Variants in RMDN1 observed in about 807,000 individuals in gnomAD.
RMDN1 encodes regulator of microtubule dynamics protein 1.
RMDN1 carries 48 observed loss-of-function variants against 48.9 expected under a neutral mutation model. The observed-to-expected ratio is 0.98, with a 90% CI of 0.78 to 1.25. RMDN1 has a LOEUF of 1.25. RMDN1 is among the 50% of genes most tolerant of loss of function. The pLI is 0.00. For synonymous variants in RMDN1, 148 were observed against 132.6 expected (o/e 1.12, Z -0.80); for missense variants, 418 against 373.4 (o/e 1.12, Z -0.98).
At chr8:86,505,347 G>C (rs540027865) in intron 2 of RMDN1, 1 of 459,088 alleles carries the variant, frequency 2.2e-6, no homozygotes, top group South Asian at 1.5e-5. Flanking sequence ...AACTTTGCCA[G>C]TTTTTCCTTC....
chr8:86,506,822 T>A (rs558161835), intron 2 of RMDN1, among the ~76,000 whole-genome samples, 173 bp downstream of exon 2: 1 of 152,194 alleles, frequency 6.6e-6, no homozygotes, highest in Non-Finnish European at 1.5e-5. Flanking sequence ...AAACAGTAGG[T>A]TGGCAGTTAG....
In RMDN1 at chr8:86,484,978, G is replaced by C. The variant is rs770791699; in HGVS notation, c.496-17C>G. On this transcript the variant is annotated splice_polypyrimidine_tract_variant and intron_variant, in intron 4 of 9. Coordinates refer to ENST00000406452, the MANE Select transcript of RMDN1 (RefSeq NM_016033.3). ...TGCATACCACTGAAAATTTAAAAAA[G>C]TGTAAGAACAATAATATTCTTAATA... 2.7e-5 allele frequency: 38 copies of C among 1,397,188 alleles called. 1 individual carries two copies. The highest frequency in any genetic ancestry group is 3.3e-5 in the Non-Finnish European group (33 of 997,322). The allele number at this position is 1,397,188 out of a possible 1,614,324, so 86.5% of individuals were successfully genotyped here.
Position 86,478,956 on chromosome 8 carries a change from C to A in RMDN1, c.696G>T (p.Leu232=), listed in dbSNP as rs778341673. The A allele has an allele frequency of 1.9e-6, 3 of 1,613,942 alleles. No homozygotes were observed. The highest frequency in any genetic ancestry group is 2.5e-6 in the Non-Finnish European group (3 of 1,179,868). The change falls in exon 7 of 10, where the codon CTG becomes CTT. Residue 232 remains leucine (L), a synonymous_variant. Coordinates refer to ENST00000406452, the MANE Select transcript of RMDN1 (RefSeq NM_016033.3). The part of the protein sequence containing the change: ...PWYQRRIAKM[L]FATPPSSTYE... ...AGGTGGAACTAGGAGGAGTTGCAAA[C>A]AGCATTTTAGCAATTCTTCTTTGAT...
rs907695851 is a variant in RMDN1, at chr8:86,478,829, C to G, written c.729+94G>C. On this transcript the variant is annotated intron_variant, in intron 7 of 9. Transcript: ENST00000406452. Reference sequence around the variant, plus strand: ...GGATCATTAGAAATTGCTCAAGTCCCTCACTGAATCAGAGCTCCACATGTG... The same window carrying G: ...GGATCATTAGAAATTGCTCAAGTCCGTCACTGAATCAGAGCTCCACATGTG... 3 of 956,222 alleles carry G rather than the reference C, an allele frequency of 3.1e-6. No individual in the cohort carries two copies. The African/African-American group carries it at 4.9e-5, about 16-fold the overall frequency. The allele number at this position is 956,222 out of a possible 1,614,324, so 59.2% of individuals were successfully genotyped here. A position where few individuals can be genotyped will look rare whatever the true frequency, so the allele number is the denominator to read the frequency against.
At position 86,473,757 on chromosome 8, in the gene RMDN1, C is replaced by T; in HGVS notation, c.*551G>A. ...CACCAGCCTGGGAAACAAAGTGAGA[C>T]TCTGTCTCAAAAAAATAAAAAAGGA... On this transcript the variant is annotated 3_prime_UTR_variant, in exon 10 of 10. Transcript: ENST00000406452. 1 of 922,056 alleles carries T rather than the reference C, an allele frequency of 1.1e-6. No individual in the cohort carries two copies. The highest frequency in any genetic ancestry group is 1.3e-6 in the Non-Finnish European group (1 of 772,238). The allele number at this position is 922,056 out of a possible 1,614,324, so 57.1% of individuals were successfully genotyped here.
intron 5 of RMDN1, chr8:86,482,823 CT>C: frequency 9.3e-7 from 1 of 1,070,782 alleles, no homozygotes; most frequent in Non-Finnish European, 1.5e-6. Flanking sequence ...CGGAGCCATC[CT>C]TTGGGGAGGT....
At chr8:86,488,474 C>A in intron 3 of RMDN1, 78 bp downstream of exon 3, 1 of 730,194 alleles carries the variant, frequency 1.4e-6, no homozygotes, top group South Asian at 2.3e-5. Context: ...AAACCTCAAG[C>A]ACTAAGGGTC....
At chr8:86,513,631 A>G (rs772962283), upstream of RMDN1, among the ~76,000 whole-genome samples, 5 of 152,194 alleles carry the variant, frequency 3.3e-5, no homozygotes, top group Non-Finnish European at 4.4e-5. Flanking sequence ...AAGTAGGCCA[A>G]TTATTTAGCT....
At chr8:86,490,743 T>A (rs896913343) in intron 2 of RMDN1, among the ~76,000 whole-genome samples, 22 of 152,214 alleles carry the variant, frequency 1.4e-4, no homozygotes, top group Non-Finnish European at 5.9e-5. Context: ...ATAGTATGTA[T>A]AAGTAAAAAA....
At chr8:86,477,236 A>C in intron 8 of RMDN1, 58 bp downstream of exon 8, 1 of 1,202,434 alleles carries the variant, frequency 8.3e-7, no homozygotes, top group African/African-American at 1.5e-5. Context: ...ATTATAGTAT[A>C]TATTCAGCAT....
At chr8:86,474,430 A>G in intron 9 of RMDN1, 72 bp from the exon 10 acceptor site, 1 of 1,298,786 alleles carries the variant, frequency 7.7e-7, no homozygotes, top group Non-Finnish European at 1.1e-6. Context: ...TTAAGTTTAT[A>G]AAGTGGGGTT....
intron 2 of RMDN1, chr8:86,495,078 T>A (rs1470201657): frequency 1.4e-5 from 4 of 296,212 alleles, no homozygotes; most frequent in South Asian, 8.3e-5. Flanking sequence ...CAGGAAGACA[T>A]GACATTCTCC....
chr8:86,508,196 G>C (rs893540660), intron 1 of RMDN1: 3 of 355,418 alleles, frequency 8.4e-6, no homozygotes, highest in African/African-American at 6.4e-5. Context: ...ATTTCACAGC[G>C]GTCAAGGTTC....
downstream of RMDN1, chr8:86,470,481 G>A: frequency 8.5e-7 from 1 of 1,179,018 alleles, no homozygotes; most frequent in Non-Finnish European, 1.1e-6. Context: ...TCTTGCAGAA[G>A]AAACCTAACC....
At chr8:86,484,846 C>A (rs751533700) in intron 5 of RMDN1, 26 bp downstream of exon 5, 19 of 1,415,190 alleles carry the variant, frequency 1.3e-5, no homozygotes, top group Middle Eastern at 2.2e-4. Flanking sequence ...TTTTAAAATT[C>A]ATGAATTTGA....
At chr8:86,474,465 A>G in intron 9 of RMDN1, 107 bp from the exon 10 acceptor site, 1 of 884,854 alleles carries the variant, frequency 1.1e-6, no homozygotes, top group South Asian at 1.4e-5. Context: ...AAAACCAGAT[A>G]GGACATTATA....
intron 8 of RMDN1, among the ~76,000 whole-genome samples, chr8:86,476,150 C>T (rs1312862731): frequency 2.0e-5 from 3 of 152,074 alleles, no homozygotes; most frequent in Non-Finnish European, 4.4e-5. Context: ...AGGGTAGGAC[C>T]ATGTTTTTCT....
At chr8:86,501,095 T>C (rs1214058243) in intron 2 of RMDN1, among the ~76,000 whole-genome samples, 1 of 152,118 alleles carries the variant, frequency 6.6e-6, no homozygotes, top group East Asian at 1.9e-4. Context: ...ACCTACTGGG[T>C]ACAATGCTCA....
intron 2 of RMDN1, among the ~76,000 whole-genome samples, chr8:86,495,924 G>A (rs1021242176): frequency 2.0e-5 from 3 of 152,140 alleles, no homozygotes; most frequent in African/African-American, 4.8e-5. Flanking sequence ...CACCTACTAC[G>A]GGAATCCCAT....
Sources: allele counts gnomAD v4.1 joint callset (sites outside exome capture counted in the v4.1 genomes callset), GRCh38; gene constraint gnomAD v4.1.1; transcripts MANE v1.5; gene names NCBI Gene and HGNC (gene_info 2026-07-23, HGNC 2026-07-21).